Variants in LRMDA observed in about 807,000 individuals in gnomAD.
LRMDA encodes the protein leucine-rich melanocyte differentiation-associated protein.
A neutral mutation model predicts 29.8 loss-of-function variants in LRMDA; 18 were observed. The ratio of observed to expected loss-of-function variants is 0.60; its 90% CI spans 0.42 to 0.90. The LOEUF is 0.90. Among genes scored for constraint, LRMDA ranks in the 40% least tolerant of loss-of-function variants. The pLI is 0.00. For missense variants in LRMDA, 273 were observed against 273.9 expected (o/e 1.00, Z 0.02); for synonymous variants, 125 against 109.4 (o/e 1.14, Z -0.89).
chr10:75,660,172 T>G (rs1276711614), intron 2 of LRMDA, among the ~76,000 whole-genome samples: 1 of 152,216 alleles, frequency 6.6e-6, no homozygotes, highest in Non-Finnish European at 1.5e-5. Flanking sequence ...TGCACACATC[T>G]GTAATTATAT....
chr10:75,837,076 TGATATA>T lies in LRMDA; in HGVS notation c.132-198920_132-198915del, dbSNP rs538746609. Among the ~76,000 whole-genome samples the T allele has an allele frequency of 9.5e-4, 145 of 152,292 alleles. 1 individual carries two copies. Among genetic ancestry groups the T allele is most frequent in the African/African-American group, 3.2e-3 (133 of 41,578 alleles). On this transcript the variant is annotated intron_variant, in intron 2 of 6. Coordinates refer to ENST00000611255, the MANE Select transcript of LRMDA (RefSeq NM_001305581.2). The stretch of plus-strand genomic sequence containing the variant: ...GAAATCTATATTGATATACTGATAT[TGATATA>T]GATATAGATATTGATATAGATAGAG...
At chr10:75,753,853 C>T (rs183617228) in intron 2 of LRMDA, among the ~76,000 whole-genome samples, 65 of 152,158 alleles carry the variant, frequency 4.3e-4, no homozygotes, top group Middle Eastern at 6.8e-3. Flanking sequence ...GGGATAGATG[C>T]GGTGCTACGA....
At chr10:75,730,262 T>C (rs1842680044) in intron 2 of LRMDA, among the ~76,000 whole-genome samples, 1 of 152,164 alleles carries the variant, frequency 6.6e-6, no homozygotes, top group Non-Finnish European at 1.5e-5. Context: ...GGTGGTATGA[T>C]ATGGACTCAA....
intron 2 of LRMDA, among the ~76,000 whole-genome samples, chr10:75,813,953 G>A (rs1001851891): frequency 6.6e-6 from 1 of 152,216 alleles, no homozygotes; most frequent in Non-Finnish European, 1.5e-5. Context: ...ATCGAAGCAT[G>A]TGGTCCCCAT....
At chr10:75,669,913 A>G (rs1057356806) in intron 2 of LRMDA, among the ~76,000 whole-genome samples, 7 of 152,236 alleles carry the variant, frequency 4.6e-5, no homozygotes, top group Admixed American at 4.6e-4. Context: ...AAATTATGGT[A>G]GTTAAAGAAA....
intron 5 of LRMDA, among the ~76,000 whole-genome samples, chr10:76,096,737 ATC>A (rs1395951552): frequency 1.3e-5 from 2 of 152,050 alleles, no homozygotes; most frequent in African/African-American, 2.4e-5. Context: ...TGAAGATGGT[ATC>A]TCTCTCTATT....
intron 2 of LRMDA, among the ~76,000 whole-genome samples, chr10:75,857,210 AC>A (rs1358072366): frequency 6.6e-6 from 1 of 152,230 alleles, no homozygotes; most frequent in Non-Finnish European, 1.5e-5. Context: ...ATTGTTGGGC[AC>A]ATAGGTAGGT....
chr10:75,923,729 AAAGACTCCTTTTAAGGTGTCTT>A (rs1487543705), intron 2 of LRMDA, among the ~76,000 whole-genome samples: 8 of 152,154 alleles, frequency 5.3e-5, no homozygotes, highest in Non-Finnish European at 1.0e-4. Flanking sequence ...AAATAATTTT[AAAGACTCCTTTTAAGGTGTCTT>A]AAGACTCCTC....
intron 6 of LRMDA, among the ~76,000 whole-genome samples, chr10:76,389,700 A>G (rs997214115): frequency 2.6e-5 from 4 of 151,936 alleles, no homozygotes; most frequent in Non-Finnish European, 5.9e-5. Context: ...TACTCTAAGT[A>G]CCTCATATAA....
intron 5 of LRMDA, among the ~76,000 whole-genome samples, chr10:76,060,897 C>T (rs975150918): frequency 6.6e-6 from 1 of 152,144 alleles, no homozygotes; most frequent in African/African-American, 2.4e-5. Flanking sequence ...TCCTTACTAA[C>T]TGTATTAAGC....
At position 75,643,714 on chromosome 10, in the gene LRMDA, T is replaced by G. The variant is rs1460740104; in HGVS notation, c.131+205220T>G. On this transcript the variant is annotated intron_variant, in intron 2 of 6. Transcript: ENST00000611255. ...GGTAAGACCTCTTCCAACATTAGAA[T>G]GATGCAATTCTTTAAAATTAAAATC... Among the ~76,000 whole-genome samples the G allele has an allele frequency of 2.0e-5, 3 of 152,220 alleles. No individual in the cohort carries two copies. The East Asian group carries it at 5.8e-4, about 29-fold the overall frequency.
intron 2 of LRMDA, among the ~76,000 whole-genome samples, chr10:75,539,388 A>G (rs1839988790): frequency 6.6e-6 from 1 of 152,188 alleles, no homozygotes; most frequent in Admixed American, 6.5e-5. Context: ...AGAACATTGC[A>G]TTTTAAGATG....
intron 6 of LRMDA, among the ~76,000 whole-genome samples, chr10:76,485,080 C>G (rs751572073): frequency 6.6e-6 from 1 of 151,702 alleles, no homozygotes; most frequent in Non-Finnish European, 1.5e-5. Flanking sequence ...TGTTTTTTAT[C>G]TGCTTCAACA....
At chr10:76,549,023 T>C (rs1157293337) in intron 6 of LRMDA, among the ~76,000 whole-genome samples, 1 of 152,158 alleles carries the variant, frequency 6.6e-6, no homozygotes, top group African/African-American at 2.4e-5. Flanking sequence ...GACCAGCTTT[T>C]CCATTTTCCA....
intron 5 of LRMDA, among the ~76,000 whole-genome samples, chr10:76,119,425 G>A (rs1348915960): frequency 9.2e-5 from 14 of 152,028 alleles, no homozygotes; most frequent in Admixed American, 9.2e-4. Flanking sequence ...CCCTGAAACT[G>A]CAGGGGCTTT....
At chr10:75,518,164 T>C (rs1305421103) in intron 2 of LRMDA, among the ~76,000 whole-genome samples, 1 of 152,216 alleles carries the variant, frequency 6.6e-6, no homozygotes, top group Non-Finnish European at 1.5e-5. Flanking sequence ...AAATTCTCTT[T>C]TTTGTGTGTG....
chr10:76,106,072 A>G (rs1326028180), intron 5 of LRMDA, among the ~76,000 whole-genome samples: 1 of 152,150 alleles, frequency 6.6e-6, no homozygotes, highest in Admixed American at 6.5e-5. Context: ...TAAGCCATCA[A>G]GTTTGTGGTC....
rs540308885 is a variant in LRMDA at position 75,477,036 on chromosome 10, G to A, written c.131+38542G>A. Among the ~76,000 whole-genome samples the A allele has an allele frequency of 8.6e-5, 13 of 151,156 alleles. No homozygotes were observed. The East Asian group carries it at 2.5e-3, about 29-fold the overall frequency. ...GGCATGATCTCCTTCTATCTCTCAGGCTGGAGTACAGTGGCGCCAACACAG... is the reference window on the plus strand; with the variant it reads ...GGCATGATCTCCTTCTATCTCTCAGACTGGAGTACAGTGGCGCCAACACAG... On this transcript the variant is annotated intron_variant, in intron 2 of 6. Coordinates refer to ENST00000611255, the MANE Select transcript of LRMDA (RefSeq NM_001305581.2).
intron 2 of LRMDA, among the ~76,000 whole-genome samples, chr10:75,632,643 T>C (rs1044574799): frequency 7.9e-5 from 12 of 152,166 alleles, no homozygotes; most frequent in Non-Finnish European, 1.6e-4. Flanking sequence ...TTTTCTTTTT[T>C]TCCCTGATAT....
Sources: allele counts gnomAD v4.1 joint callset (sites outside exome capture counted in the v4.1 genomes callset), GRCh38; gene constraint gnomAD v4.1.1; transcripts MANE v1.5; gene names NCBI Gene and HGNC (gene_info 2026-07-23, HGNC 2026-07-21).